IGSF3: variants seen among roughly 807,000 people sequenced by gnomAD.
IGSF3 encodes the protein immunoglobulin superfamily member 3, also known as glu-Trp-Ile EWI motif-containing protein 3.
IGSF3 carries 23 observed loss-of-function variants against 114.4 expected under a neutral mutation model. The observed-to-expected ratio is 0.20, with a 90% CI of 0.14 to 0.28. The LOEUF (loss-of-function observed/expected upper bound fraction) is 0.28. Among genes scored for constraint, IGSF3 ranks in the 10% least tolerant of loss-of-function variants. The probability of loss-of-function intolerance (pLI) is 1.00; values close to 1 mark genes in which losing one functional copy is unlikely to be tolerated. For synonymous variants in IGSF3, 571 were observed against 645.2 expected (o/e 0.88, Z 1.74); for missense variants, 1,172 against 1,591.5 (o/e 0.74, Z 4.48).
In IGSF3 at chr1:116,661,311, G is replaced by A. The variant is rs1049746754; in HGVS notation, c.43+4973C>T. Among the ~76,000 whole-genome samples the A allele has an allele frequency of 2.6e-5, 4 of 151,622 alleles. No homozygotes were observed. Among genetic ancestry groups the A allele is most frequent in the Admixed American group, 1.3e-4 (2 of 15,242 alleles). ...CCATCTCAAAAAAAATAAAATAACT[G>A]AACACCTGCTTACTTTGCATGGCAC... On this transcript the variant is annotated intron_variant, in intron 2 of 10. Coordinates refer to ENST00000369486, the MANE Select transcript of IGSF3 (RefSeq NM_001007237.3). The surrounding 1 kb of genome is among the most constrained non-coding windows in gnomAD (Gnocchi z 4.0).
chr1:116,666,347 A>G lies in IGSF3; in HGVS notation c.-21T>C, dbSNP rs1332551621. 2 of 1,613,592 alleles carry G rather than the reference A, an allele frequency of 1.2e-6. No homozygotes were observed. The highest frequency in any genetic ancestry group is 1.7e-5 in the Admixed American group (1 of 60,026). On this transcript the variant is annotated 5_prime_UTR_variant, in exon 2 of 11. Coordinates refer to ENST00000369486, the MANE Select transcript of IGSF3 (RefSeq NM_001007237.3). ...TTCATGTCGGCAGCCTCCAGGAGAC[A>G]CAACACAAGGCGCTTCCTCTTCTCC... is the stretch of plus-strand genomic sequence containing the variant.
At position 116,625,655 on chromosome 1, in the gene IGSF3, C is replaced by A. The variant is rs1275603988; in HGVS notation, c.44-9198G>T. 6.6e-6 allele frequency among the ~76,000 whole-genome samples: 1 copy of A among 152,162 alleles called. No individual in the cohort carries two copies. The highest frequency in any genetic ancestry group is 2.1e-4 in the South Asian group (1 of 4,824). On this transcript the variant is annotated intron_variant, in intron 2 of 10. Transcript: ENST00000369486. This position sits in a 1 kb window ranked among gnomAD's most constrained non-coding sequence, Gnocchi z 4.7. ...GAGGGCAGGACTGGAAGCAGACAGA[C>A]CAAATTCACAGTCAAATGCGACAAG...
chr1:116,578,269 T>C (rs915802173), intron 10 of IGSF3, among the ~76,000 whole-genome samples: 2 of 152,210 alleles, frequency 1.3e-5, no homozygotes, highest in Non-Finnish European at 2.9e-5. Context: ...CTGTGCTCGA[T>C]GAAGCTTAAT....
chr1:116,664,613 A>G lies in IGSF3; in HGVS notation c.43+1671T>C, dbSNP rs1034163837. On this transcript the variant is annotated intron_variant, in intron 2 of 10. Coordinates refer to ENST00000369486, the MANE Select transcript of IGSF3 (RefSeq NM_001007237.3). This position sits in a 1 kb window ranked among gnomAD's most constrained non-coding sequence, Gnocchi z 4.6. ...AATCACTAATTGCTGATTTAAACCC[A>G]GACACTAAGCGAATGACACATACAG... 1.2e-4 allele frequency among the ~76,000 whole-genome samples: 18 copies of G among 152,218 alleles called. No homozygotes were observed. The highest frequency in any genetic ancestry group is 1.1e-3 in the Admixed American group (17 of 15,292).
chr1:116,619,208 C>T (rs547895332), intron 2 of IGSF3, among the ~76,000 whole-genome samples: 1 of 152,322 alleles, frequency 6.6e-6, no homozygotes, highest in South Asian at 2.1e-4. Context: ...CTCCAGTCTT[C>T]CCCAGTGCAA....
In IGSF3 at chr1:116,662,476, G is replaced by A. The variant is rs557916679; in HGVS notation, c.43+3808C>T. ...GTTGTTTTGAAGACTGATTGATATA[G>A]TTGGGTCACAGTAAGGGCTAGAGTT... On this transcript the variant is annotated intron_variant, in intron 2 of 10. Coordinates refer to ENST00000369486, the MANE Select transcript of IGSF3 (RefSeq NM_001007237.3). This position sits in a 1 kb window ranked among gnomAD's most constrained non-coding sequence, Gnocchi z 4.3. Among the ~76,000 whole-genome samples the A allele has an allele frequency of 4.3e-4, 65 of 152,302 alleles. 1 individual carries two copies. Among genetic ancestry groups the A allele is most frequent in the Admixed American group, 1.3e-3 (20 of 15,306 alleles).
chr1:116,581,587 CA>C (rs1659604006), intron 9 of IGSF3, among the ~76,000 whole-genome samples: 1 of 152,122 alleles, frequency 6.6e-6, no homozygotes, highest in African/African-American at 2.4e-5. Context: ...CAGGTTAACA[CA>C]AGGCTGGGCT....
In IGSF3 at chr1:116,650,399, A is replaced by G. The variant is rs1409610569; in HGVS notation, c.43+15885T>C. Among the ~76,000 whole-genome samples, 1 of 152,186 alleles carries G rather than the reference A, an allele frequency of 6.6e-6. No individual in the cohort carries two copies. Among genetic ancestry groups the G allele is most frequent in the Non-Finnish European group, 1.5e-5 (1 of 68,028 alleles). On this transcript the variant is annotated intron_variant, in intron 2 of 10. Transcript: ENST00000369486. This position sits in a 1 kb window ranked among gnomAD's most constrained non-coding sequence, Gnocchi z 5.0. ...TGTCCCTTCTGCATTTCCTTTTACA[A>G]TGAAAAACATCTTTCCCAGAATCTC...
rs561471414 is a variant in IGSF3, at chr1:116,665,589, C to A, written c.43+695G>T. 6.6e-6 allele frequency among the ~76,000 whole-genome samples: 1 copy of A among 152,200 alleles called. No homozygotes were observed. The highest frequency in any genetic ancestry group is 6.5e-5 in the Admixed American group (1 of 15,296). On this transcript the variant is annotated intron_variant, in intron 2 of 10. Transcript: ENST00000369486. This position sits in a 1 kb window ranked among gnomAD's most constrained non-coding sequence, Gnocchi z 4.0. ...CCTTAAGAGGGGTGTCAAAGGTTCA[C>A]CTCTCAGGGCCATAGTTTCTTCTTC...
chr1:116,659,783 T>A (rs1367682312), intron 2 of IGSF3, among the ~76,000 whole-genome samples: 1 of 152,182 alleles, frequency 6.6e-6, no homozygotes, highest in African/African-American at 2.4e-5. Flanking sequence ...GCCCAGCTAA[T>A]GTTTTTGATT....
intron 2 of IGSF3, among the ~76,000 whole-genome samples, chr1:116,645,261 T>A (rs1303378027): frequency 6.6e-6 from 1 of 152,238 alleles, no homozygotes; most frequent in Non-Finnish European, 1.5e-5. Context: ...TTCAAAGGGC[T>A]ACACACTGTA....
rs1241222476 is a variant in IGSF3 at position 116,600,928 on chromosome 1, A to C, written c.1625-583T>G. Among the ~76,000 whole-genome samples the C allele has an allele frequency of 1.3e-5, 2 of 152,188 alleles. No homozygotes were observed. The highest frequency in any genetic ancestry group is 2.9e-5 in the Non-Finnish European group (2 of 68,038). ...AATTATCCTAAATGCAGGGTTCTGC[A>C]GGCTCAGCGGCTGTGGGTCTCTCAA... On this transcript the variant is annotated intron_variant, in intron 6 of 10. Transcript: ENST00000369486. This position sits in a 1 kb window ranked among gnomAD's most constrained non-coding sequence, Gnocchi z 5.5.
rs1265391126 is a variant in IGSF3, at chr1:116,665,375, G to A, written c.43+909C>T. On this transcript the variant is annotated intron_variant, in intron 2 of 10. Transcript: ENST00000369486. This position sits in a 1 kb window ranked among gnomAD's most constrained non-coding sequence, Gnocchi z 4.0. ...GGACCGAGCCTTACAGAGAGGGCAG[G>A]GGGTGTGCTCATGTATGAGGTCTGA... 6.6e-6 allele frequency among the ~76,000 whole-genome samples: 1 copy of A among 152,148 alleles called. No individual in the cohort carries two copies. The highest frequency in any genetic ancestry group is 1.5e-5 in the Non-Finnish European group (1 of 68,022).
In IGSF3 at chr1:116,608,267, C is replaced by T; in HGVS notation, c.897G>A (p.Glu299=). 3.1e-6 allele frequency: 5 copies of T among 1,612,664 alleles called. No individual in the cohort carries two copies. Among genetic ancestry groups the T allele is most frequent in the African/African-American group, 2.7e-5 (2 of 74,982 alleles). ...TCTGAGCCTCCAGGATGCATCTGAACTCCACCGGCTCGCCCACCGTGTGCA... is the reference window on the plus strand; with the variant it reads ...TCTGAGCCTCCAGGATGCATCTGAATTCCACCGGCTCGCCCACCGTGTGCA... ...KRLHTVGEPV[E]FRCILEAQNV... The change falls in exon 5 of 11, where the codon GAG becomes GAA. Residue 299 remains glutamate, a synonymous_variant. Coordinates refer to ENST00000369486, the MANE Select transcript of IGSF3 (RefSeq NM_001007237.3).
chr1:116,640,247 C>T (rs1648030005), intron 2 of IGSF3, among the ~76,000 whole-genome samples: 3 of 152,198 alleles, frequency 2.0e-5, no homozygotes, highest in South Asian at 4.1e-4. Flanking sequence ...TACACAGACA[C>T]ATGTATAACA....
chr1:116,616,576 T>C lies in IGSF3; in HGVS notation c.44-119A>G. ...TGACATGATAATAATATAAACAGCT[T>C]ACTGGCCCTTTCAAAGGCGCTTTGT... On this transcript the variant is annotated intron_variant, in intron 2 of 10. Transcript: ENST00000369486. This position sits in a 1 kb window ranked among gnomAD's most constrained non-coding sequence, Gnocchi z 6.6. 3 of 780,004 alleles carry C rather than the reference T, an allele frequency of 3.8e-6. No homozygotes were observed. In the South Asian group the frequency reaches 6.8e-5, roughly 18 times the overall value. 48.3% of individuals were successfully genotyped at this position (780,004 alleles called of 1,614,324 possible).
At position 116,648,153 on chromosome 1, in the gene IGSF3, A is replaced by G. The variant is rs566266183; in HGVS notation, c.43+18131T>C. Reference sequence around the variant, plus strand: ...ACCCAAGAACGCAACAGCAGCAGCAAACACTGATCTGATGACACCCCAGTT... The same window carrying G: ...ACCCAAGAACGCAACAGCAGCAGCAGACACTGATCTGATGACACCCCAGTT... On this transcript the variant is annotated intron_variant, in intron 2 of 10. Coordinates refer to ENST00000369486, the MANE Select transcript of IGSF3 (RefSeq NM_001007237.3). The surrounding 1 kb of genome is among the most constrained non-coding windows in gnomAD (Gnocchi z 4.7). Among the ~76,000 whole-genome samples, 71 of 152,340 alleles carry G rather than the reference A, an allele frequency of 4.7e-4. 1 individual carries two copies. Among genetic ancestry groups the G allele is most frequent in the Non-Finnish European group, 4.7e-4 (32 of 68,024 alleles).
At chr1:116,587,277 A>G (rs973576934) in intron 8 of IGSF3, among the ~76,000 whole-genome samples, 3 of 152,246 alleles carry the variant, frequency 2.0e-5, no homozygotes, top group Non-Finnish European at 4.4e-5. Context: ...TAAGTCAATT[A>G]TAAGTAAATA....
rs1649101550 is a variant in IGSF3 at position 116,661,246 on chromosome 1, T to A, written c.43+5038A>T. On this transcript the variant is annotated intron_variant, in intron 2 of 10. Coordinates refer to ENST00000369486, the MANE Select transcript of IGSF3 (RefSeq NM_001007237.3). The surrounding 1 kb of genome is among the most constrained non-coding windows in gnomAD (Gnocchi z 4.0). Reference sequence around the variant, plus strand: ...AGGCGGAGGTTACGGTGAGCCAAGATCGTGCCACTGCACTCCAGCCTGAGC... The same window carrying A: ...AGGCGGAGGTTACGGTGAGCCAAGAACGTGCCACTGCACTCCAGCCTGAGC... Among the ~76,000 whole-genome samples the A allele has an allele frequency of 6.6e-6, 1 of 152,120 alleles. No homozygotes were observed. Among genetic ancestry groups the A allele is most frequent in the African/African-American group, 2.4e-5 (1 of 41,408 alleles).
Sources: gnomAD v4.1 joint callset for allele counts (sites outside exome capture counted in the v4.1 genomes callset) on GRCh38, gnomAD v4.1.1 for gene constraint, Gnocchi (gnomAD v3.1) non-coding constraint, MANE v1.5 for transcripts, NCBI Gene and HGNC (gene_info 2026-07-23, HGNC 2026-07-21) for gene names.